Variants in KCNMA1 observed in about 807,000 individuals in gnomAD.
KCNMA1 encodes Calcium-activated potassium channel subunit alpha-1.
In KCNMA1, 29 loss-of-function variants were observed where a neutral mutation model predicts 140.0. That is an observed-to-expected ratio of 0.21 (90% CI 0.15 to 0.28). The LOEUF (loss-of-function observed/expected upper bound fraction) is 0.28, where lower values mean the gene tolerates loss of function less well. Ranked by LOEUF, KCNMA1 falls within the 10% of genes least tolerant of loss-of-function variation. The pLI is 1.00. For missense variants in KCNMA1, 880 were observed against 1,602.2 expected, an observed-to-expected ratio of 0.55 and a Z score of 7.70; for synonymous variants, 612 against 611.9, an observed-to-expected ratio of 1.00 and a Z score of 0.00.
intron 5 of KCNMA1, among the ~76,000 whole-genome samples, chr10:77,179,865 C>T (rs1029399644): frequency 6.6e-6 from 1 of 152,192 alleles, no homozygotes; most frequent in Non-Finnish European, 1.5e-5. Flanking sequence ...TTCCAGAGTG[C>T]CCATCACACA....
chr10:76,918,178 C>T (rs955251358), intron 23 of KCNMA1, among the ~76,000 whole-genome samples: 5 of 152,184 alleles, frequency 3.3e-5, no homozygotes, highest in African/African-American at 4.8e-5. Flanking sequence ...GAATATACTC[C>T]AGAGATCTAC....
chr10:77,388,727 T>C (rs1030199247), intron 2 of KCNMA1, among the ~76,000 whole-genome samples: 10 of 152,232 alleles, frequency 6.6e-5, no homozygotes, highest in Admixed American at 4.6e-4. Flanking sequence ...GAGAGTTAAA[T>C]GAAAGAGAAA....
chr10:77,137,120 G>A (rs2098056970), intron 5 of KCNMA1, among the ~76,000 whole-genome samples: 1 of 83,748 alleles, frequency 1.2e-5, no homozygotes, highest in Non-Finnish European at 2.3e-5. Context: ...ACAGGTAAAT[G>A]ATAACTCATT....
chr10:77,307,249 C>A (rs1321487943), intron 2 of KCNMA1, among the ~76,000 whole-genome samples: 1 of 152,160 alleles, frequency 6.6e-6, no homozygotes, highest in Non-Finnish European at 1.5e-5. Context: ...GAAATTTCTC[C>A]CTCTTCCAAG....
At chr10:77,231,857 G>A (rs1232263576) in intron 3 of KCNMA1, among the ~76,000 whole-genome samples, 1 of 152,134 alleles carries the variant, frequency 6.6e-6, no homozygotes. Flanking sequence ...TCACCCATTT[G>A]AGGTTTAAAA....
intron 1 of KCNMA1, among the ~76,000 whole-genome samples, chr10:77,446,443 A>G (rs1000060119): frequency 7.2e-5 from 11 of 152,192 alleles, no homozygotes; most frequent in Admixed American, 2.0e-4. Flanking sequence ...CTGTACCCAG[A>G]TCCTTGGCAC....
chr10:77,583,920 G>A (rs2076525039), intron 1 of KCNMA1, among the ~76,000 whole-genome samples: 1 of 152,234 alleles, frequency 6.6e-6, no homozygotes, highest in South Asian at 2.1e-4. Context: ...ATAACCATAT[G>A]TAGATAAAAA....
chr10:77,138,562 C>T (rs11593513), intron 5 of KCNMA1, among the ~76,000 whole-genome samples: 8,091 of 152,240 alleles, frequency 0.053, 263 homozygotes, highest in South Asian at 0.095. Flanking sequence ...CTACCCCAGT[C>T]CCCCCAGGCC....
At chr10:77,622,988 G>A (rs986193960) in intron 1 of KCNMA1, among the ~76,000 whole-genome samples, 2 of 152,160 alleles carry the variant, frequency 1.3e-5, no homozygotes, top group African/African-American at 2.4e-5. Flanking sequence ...AAGGAACATG[G>A]GTGAACAGGC....
chr10:77,257,405 G>A (rs568326157), intron 2 of KCNMA1, among the ~76,000 whole-genome samples: 2 of 152,276 alleles, frequency 1.3e-5, no homozygotes, highest in African/African-American at 4.8e-5. Flanking sequence ...AATGTAAGAA[G>A]CGCTACACAT....
chr10:77,242,899 T>TAC (rs199668848), intron 3 of KCNMA1, among the ~76,000 whole-genome samples: 19,265 of 111,220 alleles, frequency 0.17, 1,327 homozygotes, highest in Middle Eastern at 0.24. Flanking sequence ...AATTGTTTCC[T>TAC]ACACACACAC....
At chr10:77,335,483 T>C (rs561365183) in intron 2 of KCNMA1, among the ~76,000 whole-genome samples, 20 of 152,312 alleles carry the variant, frequency 1.3e-4, no homozygotes, top group African/African-American at 4.3e-4. Flanking sequence ...ATTTTAAAAG[T>C]AAAGATGCCA....
intron 15 of KCNMA1, among the ~76,000 whole-genome samples, chr10:77,035,274 T>C (rs1012638009): frequency 1.3e-5 from 2 of 152,076 alleles, no homozygotes; most frequent in Admixed American, 1.3e-4. Context: ...CCCATCTGAA[T>C]CAAAACTCCC....
intron 1 of KCNMA1, among the ~76,000 whole-genome samples, chr10:77,490,676 T>C (rs954893918): frequency 6.6e-6 from 1 of 152,224 alleles, no homozygotes; most frequent in African/African-American, 2.4e-5. Context: ...ATTAGGCAGT[T>C]TGCCTAAAGT....
At chr10:77,311,481 C>A (rs2079270707) in intron 2 of KCNMA1, among the ~76,000 whole-genome samples, 2 of 152,234 alleles carry the variant, frequency 1.3e-5, no homozygotes, top group South Asian at 4.2e-4. Context: ...GCAGCAAGTC[C>A]CCTTTCTTTG....
intron 20 of KCNMA1, among the ~76,000 whole-genome samples, chr10:76,955,489 A>C (rs2067897929): frequency 6.6e-6 from 1 of 152,196 alleles, no homozygotes; most frequent in East Asian, 1.9e-4. Flanking sequence ...TACTATGTGA[A>C]GCCAACTTGC....
At chr10:77,621,280 G>A (rs893285494) in intron 1 of KCNMA1, among the ~76,000 whole-genome samples, 33 of 152,136 alleles carry the variant, frequency 2.2e-4, no homozygotes, top group Admixed American at 3.9e-4. Flanking sequence ...ATCCAAGTGC[G>A]CTAAATTTTA....
chr10:77,589,683 A>T (rs892595281), intron 1 of KCNMA1, among the ~76,000 whole-genome samples: 1 of 151,494 alleles, frequency 6.6e-6, no homozygotes, highest in African/African-American at 2.4e-5. Flanking sequence ...TGATGTTCGG[A>T]TGTGTTCGGA....
At chr10:77,238,393 C>T (rs1464990480) in intron 3 of KCNMA1, among the ~76,000 whole-genome samples, 1 of 152,132 alleles carries the variant, frequency 6.6e-6, no homozygotes, top group Non-Finnish European at 1.5e-5. Flanking sequence ...GGAATTTGTC[C>T]TCTACAAACA....
Sources: allele counts gnomAD v4.1 joint callset (sites outside exome capture counted in the v4.1 genomes callset), GRCh38; gene constraint gnomAD v4.1.1; transcripts MANE v1.5; gene names NCBI Gene and HGNC (gene_info 2026-07-23, HGNC 2026-07-21).